SMC4: variants seen among roughly 807,000 people sequenced by gnomAD.
SMC4 encodes structural maintenance of chromosomes protein 4.
In SMC4, 87 loss-of-function variants were observed where a neutral mutation model predicts 145.6. That is an observed-to-expected ratio of 0.60 (90% CI 0.50 to 0.71). The LOEUF (loss-of-function observed/expected upper bound fraction) is 0.71, where lower values mean the gene tolerates loss of function less well. Ranked by LOEUF, SMC4 falls within the 30% of genes least tolerant of loss-of-function variation. SMC4 has a pLI of 0.00. For synonymous variants in SMC4, 558 were observed against 500.7 expected, an observed-to-expected ratio of 1.11 and a Z score of -1.53; for missense variants, 1,447 against 1,537.1, an observed-to-expected ratio of 0.94 and a Z score of 0.98.
intron 5 of SMC4, 142 bp downstream of exon 5, chr3:160,404,646 G>C: frequency 2.4e-6 from 2 of 817,164 alleles, no homozygotes; most frequent in Non-Finnish European, 4.4e-6. Flanking sequence ...GTCAAGATGC[G>C]AATCATTATT....
rs78448185 is a variant in SMC4, at chr3:160,424,217, C to T, written c.2325+377C>T. On this transcript the variant is annotated intron_variant, in intron 15 of 23. Transcript: ENST00000357388. ...AGTATAGCAAAGACTTGATGCAAATCTCAACTTCAGAGTATTTTAAACTTT... is the reference window on the plus strand; with the variant it reads ...AGTATAGCAAAGACTTGATGCAAATTTCAACTTCAGAGTATTTTAAACTTT... Among the ~76,000 whole-genome samples, 219 of 152,204 alleles carry T rather than the reference C, an allele frequency of 1.4e-3. 4 individuals carry two copies. The East Asian group carries it at 0.038, about 27-fold the overall frequency.
chr3:160,425,546 G>A (rs569575628), intron 16 of SMC4, among the ~76,000 whole-genome samples: 4 of 151,712 alleles, frequency 2.6e-5, no homozygotes, highest in Non-Finnish European at 4.4e-5. Context: ...TCTTTCCAAG[G>A]CAGTATAAAT....
Position 160,424,857 on chromosome 3 carries a change from T to G in SMC4, c.2326-10T>G. The G allele has an allele frequency of 1.9e-6, 3 of 1,613,042 alleles. No homozygotes were observed. The highest frequency in any genetic ancestry group is 2.5e-6 in the Non-Finnish European group (3 of 1,179,800). On this transcript the variant is annotated splice_polypyrimidine_tract_variant and intron_variant, in intron 15 of 23. Transcript: ENST00000357388. ...TCTGAAATGGCTCTTAGAGAAAACT[T>G]TCTTTGTAGGTAAACAAAATGGAAT...
chr3:160,405,440 T>C (rs976185645), intron 5 of SMC4, among the ~76,000 whole-genome samples: 1 of 152,060 alleles, frequency 6.6e-6, no homozygotes, highest in African/African-American at 2.4e-5. Context: ...AACTATTTTG[T>C]GATGCAGAAA....
chr3:160,402,004 G>C lies in SMC4; in HGVS notation c.229G>C (p.Ala77Pro). 2.5e-6 allele frequency: 4 copies of C among 1,603,424 alleles called. No homozygotes were observed. The highest frequency in any genetic ancestry group is 3.4e-6 in the Non-Finnish European group (4 of 1,175,768). ...PPPPPAMTNE[A>P]GAPRLMITHI... The stretch of plus-strand genomic sequence containing the variant: ...CCCGCCTCCAGCAATGACCAATGAA[G>C]CTGGAGCTCCTCGGCTTATGATAAC... The change falls in exon 3 of 24, where the codon GCT (alanine) becomes CCT (proline). Residue 77 changes from alanine (A) to proline (P), a missense_variant. Physicochemically the swap from Ala to Pro is conservative, Grantham distance 27 (BLOSUM62 -1). Coordinates refer to ENST00000357388, the MANE Select transcript of SMC4 (RefSeq NM_001002800.3).
chr3:160,431,003 T>G (rs367573085), intron 19 of SMC4, 29 bp from the exon 20 acceptor site: 1 of 1,571,234 alleles, frequency 6.4e-7, no homozygotes, highest in Non-Finnish European at 8.6e-7. Context: ...TTTGGAAAAT[T>G]CTATCTAGCA....
At chr3:160,415,618 C>T (rs1716500496) in intron 9 of SMC4, among the ~76,000 whole-genome samples, 1 of 152,222 alleles carries the variant, frequency 6.6e-6, no homozygotes, top group Non-Finnish European at 1.5e-5. Context: ...AAGGAAGTGG[C>T]ATTTTGGGAA....
rs745351755 is a variant in SMC4, at chr3:160,432,283, G to T, written c.3298G>T (p.Glu1100Ter). The change falls in exon 22 of 24, where the codon GAA (glutamate) becomes TAA (stop). Residue 1100 changes from glutamate (E) to a stop codon, truncating the protein, a stop_gained and splice_region_variant. Coordinates refer to ENST00000357388, the MANE Select transcript of SMC4 (RefSeq NM_001002800.3). LOFTEE classifies it high-confidence loss of function. ...TTTCCCTATCATAATCTTTTCACAG[G>T]AAGAATTGTATTTGCAACGGGTAGC... is the stretch of plus-strand genomic sequence containing the variant. Reference protein sequence around the residue: ...LGAIAEYKKKEELYLQRVAEL... With the variant: ...LGAIAEYKKK 3 of 1,581,642 alleles carry T rather than the reference G, an allele frequency of 1.9e-6. No individual in the cohort carries two copies. Among genetic ancestry groups the T allele is most frequent in the Non-Finnish European group, 2.6e-6 (3 of 1,160,682 alleles).
chr3:160,428,081 C>T (rs985975474), intron 17 of SMC4, among the ~76,000 whole-genome samples: 2 of 152,364 alleles, frequency 1.3e-5, no homozygotes, highest in Admixed American at 6.5e-5. Context: ...CGCCACTGCA[C>T]TCCATCCTGG....
At chr3:160,402,226 G>GTC (rs555774784) in intron 3 of SMC4, 133 bp downstream of exon 3, 6 of 451,498 alleles carry the variant, frequency 1.3e-5, no homozygotes, top group East Asian at 3.8e-5. Flanking sequence ...TAGTCTTTCT[G>GTC]TCTCTCTCTC....
intron 18 of SMC4, among the ~76,000 whole-genome samples, chr3:160,429,506 G>A (rs1354422748): frequency 6.6e-6 from 1 of 151,788 alleles, no homozygotes; most frequent in Non-Finnish European, 1.5e-5. Flanking sequence ...ACAACACCTG[G>A]CTAATTTTTG....
chr3:160,401,975 C>G lies in SMC4; in HGVS notation c.200C>G (p.Pro67Arg). 2 of 1,606,760 alleles carry G rather than the reference C, an allele frequency of 1.2e-6. No individual in the cohort carries two copies. The highest frequency in any genetic ancestry group is 1.7e-6 in the Non-Finnish European group (2 of 1,176,912). ...GAAGAGATTTTGAACAGCATTCCTC[C>G]TCCCCCGCCTCCAGCAATGACCAAT... is the stretch of plus-strand genomic sequence containing the variant. ...SLEEILNSIP[P>R]PPPPAMTNEA... The change falls in exon 3 of 24, where the codon CCT becomes CGT. Residue 67 changes from proline (P) to arginine (R), a missense_variant. Coordinates refer to ENST00000357388, the MANE Select transcript of SMC4 (RefSeq NM_001002800.3).
intron 8 of SMC4, 131 bp from the exon 9 acceptor site, chr3:160,414,236 A>AG: frequency 1.3e-6 from 1 of 760,658 alleles, no homozygotes; most frequent in African/African-American, 1.7e-5. Flanking sequence ...TCTTGGAATA[A>AG]GGAGAGTTTT....
chr3:160,413,781 T>TA (rs1424032989), intron 8 of SMC4, 168 bp downstream of exon 8: 4 of 450,962 alleles, frequency 8.9e-6, no homozygotes, highest in African/African-American at 8.4e-5. Flanking sequence ...AGTTCCTTGT[T>TA]ACAGATGAAA....
In SMC4 at chr3:160,434,633, AT is replaced by A. The variant is rs1487798657; in HGVS notation, c.*825del. ...ACTTTAGTAATAAGTGGAAAGTAAG[AT>A]ACCTTGAGTAATGTTTGCCTATAAA... On this transcript the variant is annotated 3_prime_UTR_variant, in exon 24 of 24. Transcript: ENST00000357388. The A allele has an allele frequency of 6.6e-6, 1 of 152,242 alleles. No individual in the cohort carries two copies. 9.4% of individuals were successfully genotyped at this position (152,242 alleles called of 1,614,324 possible). A position where few individuals can be genotyped will look rare whatever the true frequency, so the allele number is the denominator to read the frequency against.
In SMC4 at chr3:160,432,451, G is replaced by A. The variant is rs1183551332; in HGVS notation, c.3466G>A (p.Gly1156Arg). Reference protein sequence around the residue: ...LKENYQMLTLGGDAELELVDS... With the variant: ...LKENYQMLTLRGDAELELVDS... ...GGAAAATTACCAAATGCTTACTTTG[G>A]GAGGGGACGCCGAACTCGAGCTTGT... The change falls in exon 22 of 24, where the codon GGA (glycine) becomes AGA (arginine). Residue 1156 changes from glycine to arginine, a missense_variant. Physicochemically the swap from Gly to Arg is moderately radical, Grantham distance 125. Coordinates refer to ENST00000357388, the MANE Select transcript of SMC4 (RefSeq NM_001002800.3). 1 of 1,613,238 alleles carries A rather than the reference G, an allele frequency of 6.2e-7. No individual in the cohort carries two copies. The highest frequency in any genetic ancestry group is 1.3e-5 in the African/African-American group (1 of 74,934).
intron 8 of SMC4, 172 bp downstream of exon 8, chr3:160,413,785 G>C (rs1263058362): frequency 2.2e-6 from 1 of 445,310 alleles, no homozygotes; most frequent in Non-Finnish European, 4.0e-6. Flanking sequence ...CCTTGTTACA[G>C]ATGAAATTCC....
In SMC4 at chr3:160,430,697, T is replaced by A. The variant is rs747065923; in HGVS notation, c.2894T>A (p.Leu965His). ...VDDLTAELKS[L>H]EDKAAEVVKN... ...GACCTAACAGCAGAGCTGAAAAGTC[T>A]TGAGGACAAAGCAGCAGAGGTCGTA... The change falls in exon 19 of 24, where the codon CTT becomes CAT. Residue 965 changes from leucine (L) to histidine (H), a missense_variant. By Grantham distance (99) the Leu-to-His change is moderately conservative (BLOSUM62 -3). Transcript: ENST00000357388. The A allele has an allele frequency of 6.2e-7, 1 of 1,613,666 alleles. No homozygotes were observed. Among genetic ancestry groups the A allele is most frequent in the South Asian group, 1.1e-5 (1 of 91,020 alleles).
In SMC4 at chr3:160,426,093, A is replaced by G. The variant is rs1717760781; in HGVS notation, c.2498A>G (p.Glu833Gly). ...ASIQRLIEQE[E>G]YLNVQVKELE... Reference sequence around the variant, plus strand: ...TTGTAGCGTTTAATAGAGCAAGAAGAATATTTGAATGTCCAAGTTAAGGAA... The same window carrying G: ...TTGTAGCGTTTAATAGAGCAAGAAGGATATTTGAATGTCCAAGTTAAGGAA... Residue 833 changes from glutamate (E) to glycine (G), a missense_variant, in exon 17 of 24, where the codon GAA becomes GGA. Transcript: ENST00000357388. 2.5e-6 allele frequency: 4 copies of G among 1,604,576 alleles called. No homozygotes were observed. Among genetic ancestry groups the G allele is most frequent in the Non-Finnish European group, 3.4e-6 (4 of 1,175,428 alleles).
Sources: allele counts gnomAD v4.1 joint callset (sites outside exome capture counted in the v4.1 genomes callset), GRCh38; gene constraint gnomAD v4.1.1; transcripts MANE v1.5; gene names NCBI Gene and HGNC (gene_info 2026-07-23, HGNC 2026-07-21).